Variants in NRXN3 observed in about 807,000 individuals in gnomAD.
The protein encoded by NRXN3 is neurexin III.
Under a neutral mutation model 137.6 loss-of-function variants are expected in NRXN3, and 32 were observed. That is an observed-to-expected ratio of 0.23 (90% CI 0.18 to 0.31). NRXN3 has a LOEUF of 0.31. Among genes scored for constraint, NRXN3 ranks in the 10% least tolerant of loss-of-function variants. NRXN3 has a pLI of 1.00. For missense variants in NRXN3, 1,574 were observed against 2,062.5 expected (o/e 0.76, Z 4.59); for synonymous variants, 798 against 784.5 (o/e 1.02, Z -0.29).
intron 10 of NRXN3, among the ~76,000 whole-genome samples, chr14:78,948,760 T>C (rs1449923855): frequency 6.6e-6 from 1 of 152,006 alleles, no homozygotes; most frequent in Non-Finnish European, 1.5e-5. Context: ...AGATTTTCTG[T>C]TTCATAATTA....
intron 16 of NRXN3, among the ~76,000 whole-genome samples, chr14:79,493,041 T>G (rs755160558): frequency 3.9e-5 from 6 of 152,232 alleles, no homozygotes; most frequent in Non-Finnish European, 7.3e-5. Context: ...CCCAATGTGA[T>G]ATTGAACTGG....
chr14:79,321,673 G>A (rs2090046227), intron 15 of NRXN3, among the ~76,000 whole-genome samples: 1 of 151,244 alleles, frequency 6.6e-6, no homozygotes, highest in African/African-American at 2.4e-5. Flanking sequence ...CTGGCATTGG[G>A]CAACTAGTAT....
At chr14:79,289,263 T>C (rs2082768145) in intron 15 of NRXN3, among the ~76,000 whole-genome samples, 1 of 152,188 alleles carries the variant, frequency 6.6e-6, no homozygotes, top group Admixed American at 6.5e-5. Flanking sequence ...AAATCTCCCC[T>C]TATCCAGATT....
intron 4 of NRXN3, among the ~76,000 whole-genome samples, chr14:78,579,458 A>T (rs2096969593): frequency 6.6e-6 from 1 of 152,126 alleles, no homozygotes; most frequent in Non-Finnish European, 1.5e-5. Context: ...TTAACTGCTA[A>T]CCATTGTTTA....
intron 14 of NRXN3, among the ~76,000 whole-genome samples, chr14:78,984,123 A>G (rs192537967): frequency 6.6e-6 from 1 of 152,158 alleles, no homozygotes; most frequent in Non-Finnish European, 1.5e-5. Context: ...TCAATTAGAC[A>G]AGAGGAATAG....
intron 1 of NRXN3, among the ~76,000 whole-genome samples, chr14:78,234,996 A>ATATATATATATATATATATATATATGTG (rs1387012313): frequency 0.016 from 380 of 23,344 alleles, 7 homozygotes; most frequent in Middle Eastern, 0.022. Context: ...AAATGCTTTT[A>ATATATATATATATATATATATATATGTG]TATATATATA....
intron 8 of NRXN3, among the ~76,000 whole-genome samples, chr14:78,758,012 C>T (rs1448578657): frequency 2.6e-5 from 4 of 152,038 alleles, no homozygotes; most frequent in Non-Finnish European, 4.4e-5. Context: ...AGGAAAGCAC[C>T]CCATTCTTGC....
intron 15 of NRXN3, among the ~76,000 whole-genome samples, chr14:79,108,557 G>C (rs1318420082): frequency 6.6e-6 from 1 of 152,106 alleles, no homozygotes; most frequent in Non-Finnish European, 1.5e-5. Flanking sequence ...AAACATTAAG[G>C]AGTACTGTCT....
At chr14:78,835,650 CT>C (rs966132648) in intron 10 of NRXN3, among the ~76,000 whole-genome samples, 1 of 152,046 alleles carries the variant, frequency 6.6e-6, no homozygotes, top group African/African-American at 2.4e-5. Flanking sequence ...TATACATAGG[CT>C]TTTTTTCCCT....
intron 2 of NRXN3, among the ~76,000 whole-genome samples, chr14:78,254,733 G>A (rs10139858): frequency 0.031 from 4,692 of 151,980 alleles, 133 homozygotes; most frequent in African/African-American, 0.073. Flanking sequence ...GATGAAAAGG[G>A]GATTGGATTA....
intron 6 of NRXN3, among the ~76,000 whole-genome samples, chr14:78,687,248 C>T (rs970515353): frequency 2.0e-5 from 3 of 152,174 alleles, no homozygotes; most frequent in African/African-American, 4.8e-5. Flanking sequence ...AGCCATCAAG[C>T]GCTATTTAGC....
chr14:79,716,391 A>C (rs1454386063), intron 19 of NRXN3, among the ~76,000 whole-genome samples: 3 of 152,234 alleles, frequency 2.0e-5, no homozygotes, highest in East Asian at 1.9e-4. Context: ...CAATAATGTC[A>C]TGGAACCTAT....
chr14:78,456,051 C>T (rs541352794), intron 4 of NRXN3, among the ~76,000 whole-genome samples: 44 of 152,308 alleles, frequency 2.9e-4, no homozygotes, highest in Non-Finnish European at 5.4e-4. Context: ...CGCCTCAGGG[C>T]CCCTGTTGTC....
chr14:79,278,645 G>A (rs901798592), intron 15 of NRXN3, among the ~76,000 whole-genome samples: 1 of 152,196 alleles, frequency 6.6e-6, no homozygotes, highest in Admixed American at 6.5e-5. Context: ...CTACAGGCGC[G>A]GACGATAACC....
In NRXN3 at chr14:78,620,560, C is replaced by T. The variant is rs184427218; in HGVS notation, c.758-24560C>T. On this transcript the variant is annotated intron_variant, in intron 4 of 20. Transcript: ENST00000335750. The stretch of plus-strand genomic sequence containing the variant: ...ATCACTGACAAAACAGGCAGACCCT[C>T]ACCCAGAGTGGATGGTGTTTCTTGG... 1.3e-4 allele frequency among the ~76,000 whole-genome samples: 20 copies of T among 152,290 alleles called. No homozygotes were observed. In the East Asian group the frequency reaches 3.7e-3, roughly 28 times the overall value.
intron 17 of NRXN3, among the ~76,000 whole-genome samples, chr14:79,670,822 T>C (rs1183329581): frequency 6.6e-6 from 1 of 152,154 alleles, no homozygotes; most frequent in Admixed American, 6.5e-5. Flanking sequence ...CTACCACCCG[T>C]ATACATTTTA....
chr14:78,260,160 C>A lies in NRXN3; in HGVS notation c.709+16358C>A, dbSNP rs559282695. 1.9e-4 allele frequency among the ~76,000 whole-genome samples: 29 copies of A among 152,310 alleles called. No homozygotes were observed. The South Asian group carries it at 5.6e-3, about 29-fold the overall frequency. ...TGGTGAGCAAGACAGGCACATCCTG[C>A]AGCTTAATTAACCAAGCAATTATAG... On this transcript the variant is annotated intron_variant, in intron 2 of 20. Coordinates refer to ENST00000335750, the MANE Select transcript of NRXN3 (RefSeq NM_001330195.2).
At chr14:78,956,967 T>G (rs765412921) in intron 10 of NRXN3, among the ~76,000 whole-genome samples, 2 of 152,246 alleles carry the variant, frequency 1.3e-5, no homozygotes, top group Non-Finnish European at 2.9e-5. Context: ...GATTGCTTAC[T>G]GCCATTGGCA....
chr14:79,419,104 T>A (rs544867580), intron 15 of NRXN3, among the ~76,000 whole-genome samples: 1 of 152,312 alleles, frequency 6.6e-6, no homozygotes, highest in South Asian at 2.1e-4. Context: ...CAGGGTTAAT[T>A]TGTGAAACTT....
Sources: gnomAD v4.1 joint callset for allele counts (sites outside exome capture counted in the v4.1 genomes callset) on GRCh38, gnomAD v4.1.1 for gene constraint, MANE v1.5 for transcripts, NCBI Gene and HGNC (gene_info 2026-07-23, HGNC 2026-07-21) for gene names.